Variants in DOCK5 observed in about 807,000 individuals in gnomAD.
The protein encoded by DOCK5 is dedicator of cytokinesis protein 5.
Under a neutral mutation model 251.8 loss-of-function variants are expected in DOCK5, and 142 were observed. That is an observed-to-expected ratio of 0.56 (90% CI 0.49 to 0.65). The LOEUF (loss-of-function observed/expected upper bound fraction) is 0.65. Ranked by LOEUF, DOCK5 falls within the 30% of genes least tolerant of loss-of-function variation. DOCK5 has a pLI of 0.00. For missense variants in DOCK5, 2,111 were observed against 2,312.3 expected, an observed-to-expected ratio of 0.91 and a Z score of 1.79; for synonymous variants, 842 against 835.5, an observed-to-expected ratio of 1.01 and a Z score of -0.13.
At chr8:25,254,809 T>A in intron 2 of DOCK5, among the ~76,000 whole-genome samples, 1 of 116,432 alleles carries the variant, frequency 8.6e-6, no homozygotes, top group Non-Finnish European at 1.8e-5. Context: ...AAAAAAACAT[T>A]TGATAAAGGA....
chr8:25,197,221 TAA>T (rs1801751724), intron 1 of DOCK5, among the ~76,000 whole-genome samples: 1 of 152,230 alleles, frequency 6.6e-6, no homozygotes, highest in South Asian at 2.1e-4. Flanking sequence ...TCAAGCTTTA[TAA>T]AAGTGTTTTT....
intron 35 of DOCK5, among the ~76,000 whole-genome samples, chr8:25,373,121 T>C (rs1240821407): frequency 1.3e-5 from 2 of 151,780 alleles, no homozygotes; most frequent in Non-Finnish European, 2.9e-5. Flanking sequence ...TGCCTCAGCC[T>C]CCCAAGTAGC....
chr8:25,382,646 C>T, intron 39 of DOCK5, 28 bp from the exon 40 acceptor site: 3 of 1,553,716 alleles, frequency 1.9e-6, no homozygotes, highest in Admixed American at 1.8e-5. Context: ...TATAACCTCC[C>T]CTTGGAATGT....
At chr8:25,372,124 C>T (rs1480951483) in intron 34 of DOCK5, among the ~76,000 whole-genome samples, 1 of 152,220 alleles carries the variant, frequency 6.6e-6, no homozygotes, top group Non-Finnish European at 1.5e-5. Flanking sequence ...AGAGGATGCC[C>T]TGAGTGCCAG....
chr8:25,292,187 G>C lies in DOCK5; in HGVS notation c.470+15G>C. 6.4e-7 allele frequency: 1 copy of C among 1,551,508 alleles called. No individual in the cohort carries two copies. Among genetic ancestry groups the C allele is most frequent in the Non-Finnish European group, 8.7e-7 (1 of 1,149,520 alleles). On this transcript the variant is annotated intron_variant, in intron 6 of 51. Transcript: ENST00000276440. ...CATGGGAACAGGTAGGTAAACCAGG[G>C]ATGGCTTTTCACTGAAAACTTGGCG...
intron 23 of DOCK5, 90 bp downstream of exon 23, chr8:25,341,078 C>T: frequency 1.2e-6 from 1 of 857,666 alleles, no homozygotes; most frequent in South Asian, 1.6e-5. Context: ...GAGGGAGAAA[C>T]AAAGTGAATC....
In DOCK5 at chr8:25,399,900, CT is replaced by C. The variant is rs770792868; in HGVS notation, c.4705-3del. On this transcript the variant is annotated splice_polypyrimidine_tract_variant and intron_variant, in intron 45 of 51. Coordinates refer to ENST00000276440, the MANE Select transcript of DOCK5 (RefSeq NM_024940.8). ...GTGTTCTAATTAAAACTTGCATATG[CT>C]TTTTTTTAGGCTTTTTTTACAGAAA... 36 of 1,602,382 alleles carry C rather than the reference CT, an allele frequency of 2.2e-5. 1 individual carries two copies. The South Asian group carries it at 2.5e-4, about 11-fold the overall frequency.
At chr8:25,323,038 G>T (rs1262793705) in intron 16 of DOCK5, among the ~76,000 whole-genome samples, 1 of 152,302 alleles carries the variant, frequency 6.6e-6, no homozygotes, top group East Asian at 1.9e-4. Context: ...GACCCAAGGG[G>T]CACAGCAGAC....
intron 2 of DOCK5, among the ~76,000 whole-genome samples, chr8:25,248,426 G>C (rs554778415): frequency 2.6e-5 from 4 of 152,242 alleles, no homozygotes; most frequent in African/African-American, 9.6e-5. Context: ...GTCCTGCCGG[G>C]TGGAACTGAA....
At chr8:25,279,386 T>A (rs1003138904) in intron 5 of DOCK5, among the ~76,000 whole-genome samples, 2 of 152,128 alleles carry the variant, frequency 1.3e-5, no homozygotes, top group Non-Finnish European at 2.9e-5. Context: ...TGAGAACAGC[T>A]GTCTTGCAAG....
At chr8:25,396,288 G>A (rs559413239) in intron 45 of DOCK5, among the ~76,000 whole-genome samples, 4 of 152,276 alleles carry the variant, frequency 2.6e-5, no homozygotes, top group South Asian at 2.1e-4. Context: ...GCTGAGGCAC[G>A]AGAATCACTT....
chr8:25,321,078 A>G, intron 16 of DOCK5, 26 bp downstream of exon 16: 1 of 1,603,270 alleles, frequency 6.2e-7, no homozygotes, highest in South Asian at 1.1e-5. Context: ...TCTATGACAT[A>G]TTTCCACTTA....
chr8:25,232,370 G>C (rs1486888996), intron 1 of DOCK5, among the ~76,000 whole-genome samples: 1 of 152,124 alleles, frequency 6.6e-6, no homozygotes, highest in African/African-American at 2.4e-5. Context: ...TGTTATGCAG[G>C]ACCAACACAG....
rs142079471 is a variant in DOCK5, at chr8:25,237,249, G to A, written c.44-6425G>A. ...CCAGGTGTGGTGGCACATGCCTGTC[G>A]TTCTAGGTACTTGGGGGGATGAGGC... On this transcript the variant is annotated intron_variant, in intron 1 of 51. Transcript: ENST00000276440. Among the ~76,000 whole-genome samples, 632 of 152,080 alleles carry A rather than the reference G, an allele frequency of 4.2e-3. 2 individuals carry two copies. The highest frequency in any genetic ancestry group is 0.014 in the African/African-American group (601 of 41,490).
intron 10 of DOCK5, among the ~76,000 whole-genome samples, chr8:25,303,108 GA>G (rs1804811436): frequency 6.6e-6 from 1 of 152,210 alleles, no homozygotes; most frequent in Admixed American, 6.5e-5. Flanking sequence ...TAGAGGAAGA[GA>G]AGGAGGAAAG....
chr8:25,379,789 C>G (rs1801031384), intron 38 of DOCK5, among the ~76,000 whole-genome samples: 1 of 151,958 alleles, frequency 6.6e-6, no homozygotes, highest in African/African-American at 2.4e-5. Flanking sequence ...TGACTTCCTG[C>G]AACACCACAC....
In DOCK5 at chr8:25,231,136, C is replaced by G. The variant is rs530564876; in HGVS notation, c.44-12538C>G. Among the ~76,000 whole-genome samples, 11 of 152,064 alleles carry G rather than the reference C, an allele frequency of 7.2e-5. No homozygotes were observed. In the South Asian group the frequency reaches 2.3e-3, roughly 32 times the overall value. The stretch of plus-strand genomic sequence containing the variant: ...ATTCATTTCACTTAGTTTTGTAAGA[C>G]TTGGTATTATATCTAAAGGCATCAT... On this transcript the variant is annotated intron_variant, in intron 1 of 51. Transcript: ENST00000276440.
rs757297993 is a variant in DOCK5 at position 25,403,686 on chromosome 8, C to T, written c.5055C>T (p.Asn1685=). Residue 1685 remains asparagine, a synonymous_variant, in exon 48 of 52, where the codon AAC becomes AAT. Coordinates refer to ENST00000276440, the MANE Select transcript of DOCK5 (RefSeq NM_024940.8). The part of the protein sequence containing the change: ...VTSSVVSTSS[N]SSDNAPSRPG... The stretch of plus-strand genomic sequence containing the variant: ...CCTCTGTGGTTTCCACCTCTTCAAA[C>T]TCGTCTGACAATGCTCCTTCCAGAC... The T allele has an allele frequency of 1.1e-5, 18 of 1,613,844 alleles. No homozygotes were observed. The highest frequency in any genetic ancestry group is 2.2e-5 in the East Asian group (1 of 44,884).
chr8:25,296,455 C>A, intron 6 of DOCK5, 58 bp from the exon 7 acceptor site: 1 of 1,568,082 alleles, frequency 6.4e-7, no homozygotes, highest in East Asian at 2.3e-5. Flanking sequence ...ACAAGGACTC[C>A]TCAGTAAAAA....
Sources: allele counts gnomAD v4.1 joint callset (sites outside exome capture counted in the v4.1 genomes callset), GRCh38; gene constraint gnomAD v4.1.1; transcripts MANE v1.5; gene names NCBI Gene and HGNC (gene_info 2026-07-23, HGNC 2026-07-21).